TMEM132C: variants seen among roughly 807,000 people sequenced by gnomAD.
TMEM132C encodes the protein protein phosphatase 1, regulatory subunit 152.
TMEM132C carries 29 observed loss-of-function variants against 61.4 expected under a neutral mutation model. The observed-to-expected ratio is 0.47, with a 90% CI of 0.35 to 0.64. TMEM132C has a LOEUF of 0.64. Among genes scored for constraint, TMEM132C ranks in the 30% least tolerant of loss-of-function variants. The pLI, the probability that TMEM132C is intolerant of heterozygous loss-of-function variation, is 0.00. For synonymous variants in TMEM132C, 656 were observed against 633.1 expected (o/e 1.04, Z -0.54); for missense variants, 1,408 against 1,476.9 (o/e 0.95, Z 0.76).
At position 128,571,084 on chromosome 12, in the gene TMEM132C, A is replaced by G. The variant is rs375347628; in HGVS notation, c.1121+26981A>G. On this transcript the variant is annotated intron_variant, in intron 3 of 8. Coordinates refer to ENST00000435159, the MANE Select transcript of TMEM132C (RefSeq NM_001136103.3). Reference sequence around the variant, plus strand: ...TTGGATGTAGTCATGTGGAGGTTTAATGGCTTGGAGTTGCTCTAGCTACCT... The same window carrying G: ...TTGGATGTAGTCATGTGGAGGTTTAGTGGCTTGGAGTTGCTCTAGCTACCT... Among the ~76,000 whole-genome samples the G allele has an allele frequency of 2.6e-3, 390 of 152,330 alleles. 2 individuals are homozygous for G. Among genetic ancestry groups the G allele is most frequent in the African/African-American group, 9.2e-3 (383 of 41,568 alleles).
intron 3 of TMEM132C, among the ~76,000 whole-genome samples, chr12:128,599,753 A>G (rs1593115008): frequency 6.6e-6 from 1 of 152,328 alleles, no homozygotes; most frequent in Non-Finnish European, 1.5e-5. Context: ...ACAAGAGGAC[A>G]GAGATTGTTA....
intron 2 of TMEM132C, among the ~76,000 whole-genome samples, chr12:128,511,684 C>T (rs1310003928): frequency 6.6e-6 from 1 of 152,190 alleles, no homozygotes; most frequent in African/African-American, 2.4e-5. Context: ...CCTGGGGCCC[C>T]ACCACCTAAG....
chr12:128,473,516 TCATCTTCACTCCACCATC>T (rs1871048703), intron 2 of TMEM132C, among the ~76,000 whole-genome samples: 1 of 151,390 alleles, frequency 6.6e-6, no homozygotes, highest in Non-Finnish European at 1.5e-5. Flanking sequence ...GCCTCCATCT[TCATCTTCACTCCACCATC>T]CATCTTCACT....
chr12:128,684,693 C>G (rs115614963), intron 5 of TMEM132C, among the ~76,000 whole-genome samples: 3,203 of 152,336 alleles, frequency 0.021, 108 homozygotes, highest in African/African-American at 0.07. Context: ...TTCTCTTTGG[C>G]CATCGTTTCA....
intron 4 of TMEM132C, among the ~76,000 whole-genome samples, chr12:128,666,090 CAGGCACACATACCCATAA>C (rs1954469204): frequency 7.0e-6 from 1 of 143,036 alleles, no homozygotes; most frequent in African/African-American, 2.8e-5. Flanking sequence ...CACACACACA[CAGGCACACATACCCATAA>C]ACACACAGGC....
chr12:128,409,113 G>C (rs780525493), intron 1 of TMEM132C, among the ~76,000 whole-genome samples: 7 of 152,246 alleles, frequency 4.6e-5, no homozygotes, highest in South Asian at 4.1e-4. Context: ...TTCAAAGTTA[G>C]CAATTGCGGC....
At chr12:128,282,389 C>A (rs569378042) in intron 1 of TMEM132C, among the ~76,000 whole-genome samples, 1 of 152,334 alleles carries the variant, frequency 6.6e-6, no homozygotes, top group East Asian at 1.9e-4. Flanking sequence ...AGGAAACTTA[C>A]AATCATGGCA....
intron 4 of TMEM132C, among the ~76,000 whole-genome samples, chr12:128,645,965 G>C (rs1229655455): frequency 7.0e-6 from 1 of 142,598 alleles, no homozygotes; most frequent in African/African-American, 2.6e-5. Context: ...GGAGTCCATC[G>C]GCTTTGGATG....
At chr12:128,352,049 T>C (rs1873352627) in intron 1 of TMEM132C, among the ~76,000 whole-genome samples, 1 of 152,144 alleles carries the variant, frequency 6.6e-6, no homozygotes, top group Non-Finnish European at 1.5e-5. Context: ...CAGGGAAGTG[T>C]CAGTCTTTTG....
At position 128,342,159 on chromosome 12, in the gene TMEM132C, A is replaced by C. The variant is rs111684826; in HGVS notation, c.86-72573A>C. 5.3e-3 allele frequency among the ~76,000 whole-genome samples: 798 copies of C among 151,954 alleles called. 9 individuals are homozygous for C. The highest frequency in any genetic ancestry group is 0.018 in the African/African-American group (748 of 41,488). On this transcript the variant is annotated intron_variant, in intron 1 of 8. Coordinates refer to ENST00000435159, the MANE Select transcript of TMEM132C (RefSeq NM_001136103.3). ...GAGTAGCTGGGACTACAGGTGCACA[A>C]CACCACGCCCGGCTAATTTTTGTAT... is the stretch of plus-strand genomic sequence containing the variant.
chr12:128,278,745 C>T lies in TMEM132C; in HGVS notation c.85+11258C>T, dbSNP rs924566656. Among the ~76,000 whole-genome samples, 7 of 135,678 alleles carry T rather than the reference C, an allele frequency of 5.2e-5. No individual in the cohort carries two copies. Among genetic ancestry groups the T allele is most frequent in the African/African-American group, 1.2e-4 (4 of 33,628 alleles). 89.0% of individuals were successfully genotyped at this position (135,678 alleles called of 152,430 possible). On this transcript the variant is annotated intron_variant, in intron 1 of 8. Coordinates refer to ENST00000435159, the MANE Select transcript of TMEM132C (RefSeq NM_001136103.3). The surrounding 1 kb of genome is among the most constrained non-coding windows in gnomAD (Gnocchi z 4.2). ...ATATTTGTGCAGACTTGATTCTATA[C>T]GTGTATGTGTGTGTGTGTGTGTGTG... is the stretch of plus-strand genomic sequence containing the variant.
intron 1 of TMEM132C, among the ~76,000 whole-genome samples, chr12:128,321,335 G>GAC (rs1872327763): frequency 6.6e-6 from 1 of 152,106 alleles, no homozygotes; most frequent in African/African-American, 2.4e-5. Context: ...CAGCAACTTG[G>GAC]AGGAACCTCC....
At chr12:128,456,610 G>A (rs1210112714) in intron 2 of TMEM132C, among the ~76,000 whole-genome samples, 2 of 151,540 alleles carry the variant, frequency 1.3e-5, no homozygotes, top group African/African-American at 4.8e-5. Flanking sequence ...ATTTCACAAT[G>A]TTACCCAGGC....
At chr12:128,291,496 A>T (rs533940118) in intron 1 of TMEM132C, among the ~76,000 whole-genome samples, 75 of 152,348 alleles carry the variant, frequency 4.9e-4, no homozygotes, top group African/African-American at 1.8e-3. Flanking sequence ...GGAGGAGATG[A>T]TGCTGGGATT....
At chr12:128,542,636 T>A (rs1437470096) in intron 2 of TMEM132C, among the ~76,000 whole-genome samples, 1 of 151,580 alleles carries the variant, frequency 6.6e-6, no homozygotes, top group African/African-American at 2.4e-5. Context: ...CCAAGGCGGG[T>A]GGATCACAAG....
At chr12:128,548,004 C>T (rs904756419) in intron 3 of TMEM132C, among the ~76,000 whole-genome samples, 2 of 151,984 alleles carry the variant, frequency 1.3e-5, no homozygotes, top group Non-Finnish European at 2.9e-5. Flanking sequence ...ACCACTCACC[C>T]CTATTGATCC....
At chr12:128,618,387 A>G (rs1207330478) in intron 4 of TMEM132C, among the ~76,000 whole-genome samples, 4 of 152,228 alleles carry the variant, frequency 2.6e-5, no homozygotes, top group Non-Finnish European at 4.4e-5. Flanking sequence ...GTTTGCAAGT[A>G]AATGCATGTG....
intron 4 of TMEM132C, among the ~76,000 whole-genome samples, chr12:128,617,234 G>A (rs1313864026): frequency 6.6e-6 from 1 of 152,204 alleles, no homozygotes; most frequent in East Asian, 1.9e-4. Context: ...GTGTGCAAAT[G>A]ATGTGGTATG....
intron 2 of TMEM132C, among the ~76,000 whole-genome samples, chr12:128,482,848 C>G (rs756492229): frequency 6.6e-6 from 1 of 152,118 alleles, no homozygotes; most frequent in Non-Finnish European, 1.5e-5. Flanking sequence ...TCTCCCAGCA[C>G]CAAGCCCTGC....
Sources: allele counts gnomAD v4.1 joint callset (sites outside exome capture counted in the v4.1 genomes callset), GRCh38; gene constraint gnomAD v4.1.1; non-coding constraint Gnocchi (gnomAD v3.1); transcripts MANE v1.5; gene names NCBI Gene and HGNC (gene_info 2026-07-23, HGNC 2026-07-21).